MAML3: variants seen among roughly 807,000 people sequenced by gnomAD.
MAML3 encodes mastermind like transcriptional coactivator 3.
In MAML3, 27 loss-of-function variants were observed where a neutral mutation model predicts 101.9. The observed-to-expected ratio is 0.27, with a 90% CI of 0.20 to 0.37. The LOEUF (loss-of-function observed/expected upper bound fraction) is 0.37. Among genes scored for constraint, MAML3 ranks in the 10% least tolerant of loss-of-function variants. MAML3 has a pLI of 1.00. For missense variants in MAML3, 1,316 were observed against 1,444.9 expected (o/e 0.91, Z 1.45); for synonymous variants, 501 against 555.9 (o/e 0.90, Z 1.39).
intron 2 of MAML3, among the ~76,000 whole-genome samples, chr4:139,871,079 AT>A (rs1462187429): frequency 2.6e-4 from 40 of 152,142 alleles, no homozygotes; most frequent in African/African-American, 8.9e-4. Context: ...TTGTGTGCTT[AT>A]CATTTTTTCA....
chr4:139,827,382 G>C (rs1402171065), intron 2 of MAML3, among the ~76,000 whole-genome samples: 1 of 152,186 alleles, frequency 6.6e-6, no homozygotes, highest in Non-Finnish European at 1.5e-5. Flanking sequence ...CTGTGGACTG[G>C]GTTAAGGTGA....
rs200742410 is a variant in MAML3, at chr4:139,749,893, C to CGG, written c.2080-19227_2080-19226insCC. Among the ~76,000 whole-genome samples the CGG allele has an allele frequency of 5.0e-5, 7 of 141,252 alleles. No homozygotes were observed. In the East Asian group the frequency reaches 6.8e-4, roughly 14 times the overall value. 92.7% of individuals were successfully genotyped at this position (141,252 alleles called of 152,430 possible). The stretch of plus-strand genomic sequence containing the variant: ...AGTGGAGATGAATAAGAACCCCCCC[C>CGG]CACCCTATTCTGCCAAAAGTGGAAT... On this transcript the variant is annotated intron_variant, in intron 2 of 4. Transcript: ENST00000509479.
intron 2 of MAML3, among the ~76,000 whole-genome samples, chr4:139,820,736 C>A (rs536709178): frequency 9.2e-5 from 14 of 152,178 alleles, no homozygotes; most frequent in Non-Finnish European, 1.9e-4. Flanking sequence ...ATGAAATATT[C>A]TTTCAGTTGA....
At chr4:140,025,187 T>C (rs1402672) in intron 1 of MAML3, among the ~76,000 whole-genome samples, 87,852 of 152,018 alleles carry the variant, frequency 0.58, 26,497 homozygotes, top group African/African-American at 0.71. Context: ...TTGAGTTAAT[T>C]TGATTATGGG....
chr4:140,041,114 T>A (rs545168980), intron 1 of MAML3, among the ~76,000 whole-genome samples: 1 of 152,244 alleles, frequency 6.6e-6, no homozygotes, highest in East Asian at 1.9e-4. Flanking sequence ...TAGATGGGAG[T>A]TATTTGATGT....
chr4:139,756,529 G>A (rs1323298730), intron 2 of MAML3, among the ~76,000 whole-genome samples: 2 of 152,094 alleles, frequency 1.3e-5, no homozygotes, highest in East Asian at 1.9e-4. Flanking sequence ...AAGGGACCCC[G>A]AGGCACTAGC....
intron 1 of MAML3, among the ~76,000 whole-genome samples, chr4:139,991,062 A>G (rs12331517): frequency 0.49 from 75,027 of 152,000 alleles, 19,006 homozygotes; most frequent in East Asian, 0.65. Flanking sequence ...TTTAAAGTTC[A>G]TATAGAACCA....
intron 1 of MAML3, among the ~76,000 whole-genome samples, chr4:139,917,130 G>A (rs1340388740): frequency 6.6e-6 from 1 of 152,136 alleles, no homozygotes; most frequent in Non-Finnish European, 1.5e-5. Context: ...TCTCAGTGCG[G>A]CCCATGACTC....
At chr4:139,910,317 T>C (rs1732894759) in intron 1 of MAML3, among the ~76,000 whole-genome samples, 1 of 152,174 alleles carries the variant, frequency 6.6e-6, no homozygotes, top group African/African-American at 2.4e-5. Flanking sequence ...CAGATGACTG[T>C]GATGAGTAGA....
rs539146783 is a variant in MAML3 at position 139,730,877 on chromosome 4, G to A, written c.2080-210C>T. Reference sequence around the variant, plus strand: ...AGAGAGGCCACAAGGGACAGTAAGAGAGCATGGCTCTGGGAAGTCCAAGGC... The same window carrying A: ...AGAGAGGCCACAAGGGACAGTAAGAAAGCATGGCTCTGGGAAGTCCAAGGC... On this transcript the variant is annotated intron_variant, in intron 2 of 4. Coordinates refer to ENST00000509479, the MANE Select transcript of MAML3 (RefSeq NM_018717.5). 6.7e-6 allele frequency: 4 copies of A among 592,668 alleles called. No homozygotes were observed. In the South Asian group the frequency reaches 8.3e-5, roughly 12 times the overall value. The allele number at this position is 592,668 out of a possible 1,614,324, so 36.7% of individuals were successfully genotyped here. A position where few individuals can be genotyped will look rare whatever the true frequency, so the allele number is the denominator to read the frequency against.
intron 3 of MAML3, 22 bp downstream of exon 3, chr4:139,730,394 A>G (rs1317630431): frequency 6.5e-7 from 1 of 1,545,246 alleles, no homozygotes; most frequent in South Asian, 1.2e-5. Context: ...GAATGAATGA[A>G]TCACGCCAAG....
chr4:139,982,731 A>G (rs1031165960), intron 1 of MAML3, among the ~76,000 whole-genome samples: 2 of 152,204 alleles, frequency 1.3e-5, no homozygotes, highest in African/African-American at 4.8e-5. Flanking sequence ...AAGAGTTCAT[A>G]CTGATGTTTT....
At chr4:139,970,705 T>C (rs1196453237) in intron 1 of MAML3, among the ~76,000 whole-genome samples, 3 of 152,174 alleles carry the variant, frequency 2.0e-5, no homozygotes, top group African/African-American at 7.2e-5. Context: ...ACTTAGGGGC[T>C]CACTCTCCTG....
chr4:140,130,941 T>C (rs1358034955), intron 1 of MAML3, among the ~76,000 whole-genome samples: 1 of 151,826 alleles, frequency 6.6e-6, no homozygotes, highest in Non-Finnish European at 1.5e-5. Context: ...TAGGAGAGCA[T>C]GAGGAAAGGG....
At chr4:140,123,670 T>C (rs1412512942) in intron 1 of MAML3, among the ~76,000 whole-genome samples, 1 of 152,194 alleles carries the variant, frequency 6.6e-6, no homozygotes, top group Non-Finnish European at 1.5e-5. Flanking sequence ...CCCCACCACT[T>C]AGATCTGAAT....
rs564621461 is a variant in MAML3 at position 139,905,101 on chromosome 4, C to T, written c.469-14134G>A. On this transcript the variant is annotated intron_variant, in intron 1 of 4. Transcript: ENST00000509479. ...AGAAAGAGCTGTATAGACCTGTGTA[C>T]CATGGTAAGAAGCTTGGACTTTATC... is the stretch of plus-strand genomic sequence containing the variant. 7.2e-5 allele frequency among the ~76,000 whole-genome samples: 11 copies of T among 152,220 alleles called. No homozygotes were observed. The South Asian group carries it at 2.1e-3, about 29-fold the overall frequency.
At chr4:140,027,218 C>A (rs1726841072) in intron 1 of MAML3, among the ~76,000 whole-genome samples, 1 of 152,204 alleles carries the variant, frequency 6.6e-6, no homozygotes, top group African/African-American at 2.4e-5. Context: ...CTTTATCTAA[C>A]CCTAGTTACT....
At chr4:139,774,738 C>T (rs187631977) in intron 2 of MAML3, among the ~76,000 whole-genome samples, 15 of 152,220 alleles carry the variant, frequency 9.9e-5, no homozygotes, top group Admixed American at 9.8e-4. Flanking sequence ...AAATCTTAGA[C>T]GTGAATTATT....
rs1035607851 is a variant in MAML3 at position 139,785,103 on chromosome 4, C to T, written c.2080-54436G>A. Among the ~76,000 whole-genome samples, 7 of 152,122 alleles carry T rather than the reference C, an allele frequency of 4.6e-5. No individual in the cohort carries two copies. Among genetic ancestry groups the T allele is most frequent in the Admixed American group, 1.3e-4 (2 of 15,270 alleles). ...CTTACATTTGTACAAAAGAAGAAGGCGGCTAGCTTGGACACAAACACTCAT... is the reference window on the plus strand; with the variant it reads ...CTTACATTTGTACAAAAGAAGAAGGTGGCTAGCTTGGACACAAACACTCAT... On this transcript the variant is annotated intron_variant, in intron 2 of 4. Coordinates refer to ENST00000509479, the MANE Select transcript of MAML3 (RefSeq NM_018717.5). This position sits in a 1 kb window ranked among gnomAD's most constrained non-coding sequence, Gnocchi z 4.3.
Sources: allele counts gnomAD v4.1 joint callset (sites outside exome capture counted in the v4.1 genomes callset), GRCh38; gene constraint gnomAD v4.1.1; non-coding constraint Gnocchi (gnomAD v3.1); transcripts MANE v1.5; gene names NCBI Gene and HGNC (gene_info 2026-07-23, HGNC 2026-07-21).